OPCML: variants seen among roughly 807,000 people sequenced by gnomAD.
OPCML encodes opioid binding protein/cell adhesion molecule like.
OPCML carries 13 observed loss-of-function variants against 37.8 expected under a neutral mutation model. The observed-to-expected ratio is 0.34, with a 90% CI of 0.22 to 0.55. The LOEUF (loss-of-function observed/expected upper bound fraction) is 0.55. OPCML is among the 20% of genes least tolerant of loss of function. The pLI, the probability that OPCML is intolerant of heterozygous loss-of-function variation, is 0.91. For missense variants in OPCML, 341 were observed against 435.6 expected (o/e 0.78, Z 1.93); for synonymous variants, 176 against 168.8 (o/e 1.04, Z -0.33).
intron 1 of OPCML, among the ~76,000 whole-genome samples, chr11:133,408,138 A>G (rs1945562931): frequency 1.3e-5 from 2 of 150,026 alleles, no homozygotes; most frequent in South Asian, 4.1e-4. Flanking sequence ...TTTCAACCGC[A>G]TGTTGCTGGT....
chr11:133,261,485 C>T (rs549786114), intron 1 of OPCML, among the ~76,000 whole-genome samples: 3 of 151,760 alleles, frequency 2.0e-5, no homozygotes, highest in Non-Finnish European at 2.9e-5. Context: ...ACATGGTCTG[C>T]GTCCGGCTCT....
chr11:132,713,104 G>A (rs1944332653), intron 2 of OPCML, among the ~76,000 whole-genome samples: 1 of 152,148 alleles, frequency 6.6e-6, no homozygotes, highest in South Asian at 2.1e-4. Context: ...GAGCTTGGGA[G>A]CTCCTTTAAA....
intron 1 of OPCML, among the ~76,000 whole-genome samples, chr11:133,087,900 G>A (rs1486766766): frequency 6.6e-6 from 1 of 152,200 alleles, no homozygotes; most frequent in Non-Finnish European, 1.5e-5. Flanking sequence ...TTACTAGACG[G>A]TTAGGAGATG....
intron 1 of OPCML, among the ~76,000 whole-genome samples, chr11:133,528,703 C>A (rs555556400): frequency 1.3e-5 from 2 of 152,154 alleles, no homozygotes; most frequent in African/African-American, 4.8e-5. Context: ...TGACCCTAAA[C>A]GGGCAAAGCC....
intron 7 of OPCML, chr11:132,435,178 G>A (rs1275542995): frequency 7.8e-7 from 1 of 1,289,636 alleles, no homozygotes; most frequent in Non-Finnish European, 1.0e-6. Context: ...CTGATGAGGG[G>A]CTTATTTCTA....
At chr11:132,656,015 C>A (rs75986230) in intron 3 of OPCML, among the ~76,000 whole-genome samples, 1 of 151,898 alleles carries the variant, frequency 6.6e-6, no homozygotes, top group Non-Finnish European at 1.5e-5. Flanking sequence ...GACTAAATCA[C>A]ACATAGGGAC....
At position 132,651,912 on chromosome 11, in the gene OPCML, T is replaced by C. The variant is rs112222581; in HGVS notation, c.379+5175A>G. Among the ~76,000 whole-genome samples, 1,168 of 152,308 alleles carry C rather than the reference T, an allele frequency of 7.7e-3. 22 individuals are homozygous for C. The highest frequency in any genetic ancestry group is 0.027 in the African/African-American group (1,119 of 41,574). On this transcript the variant is annotated intron_variant, in intron 3 of 7. Coordinates refer to ENST00000524381, the MANE Select transcript of OPCML (RefSeq NM_001012393.5). ...TCATTCCATAAAAGGAAGTAACCTGTAGTGAAGAGATTTCTGAACAAGGCA... is the reference window on the plus strand; with the variant it reads ...TCATTCCATAAAAGGAAGTAACCTGCAGTGAAGAGATTTCTGAACAAGGCA...
chr11:133,235,912 T>G (rs953680865), intron 1 of OPCML, among the ~76,000 whole-genome samples: 1 of 152,232 alleles, frequency 6.6e-6, no homozygotes, highest in South Asian at 2.1e-4. Context: ...AAGCACCTTC[T>G]GATTCGAATA....
intron 1 of OPCML, among the ~76,000 whole-genome samples, chr11:133,291,304 G>A (rs1456556424): frequency 6.6e-6 from 1 of 152,206 alleles, no homozygotes; most frequent in Non-Finnish European, 1.5e-5. Context: ...ATGCTTCATG[G>A]GGTGTCTGTC....
At chr11:132,642,017 T>C (rs759632416) in intron 3 of OPCML, among the ~76,000 whole-genome samples, 5 of 152,246 alleles carry the variant, frequency 3.3e-5, no homozygotes, top group Non-Finnish European at 7.3e-5. Flanking sequence ...AATTGTATAT[T>C]GTTTTGTCTT....
intron 2 of OPCML, among the ~76,000 whole-genome samples, chr11:132,881,793 A>G (rs1368972063): frequency 6.6e-6 from 1 of 152,160 alleles, no homozygotes; most frequent in Non-Finnish European, 1.5e-5. Flanking sequence ...AGTTGCTTGC[A>G]TTTGTAGTGC....
intron 1 of OPCML, among the ~76,000 whole-genome samples, chr11:133,511,522 A>G (rs1565676007): frequency 6.6e-6 from 1 of 151,668 alleles, no homozygotes; most frequent in Non-Finnish European, 1.5e-5. Flanking sequence ...AGGCAGATTC[A>G]CTCATGCCCT....
chr11:133,108,891 T>A (rs1406021293), intron 1 of OPCML, among the ~76,000 whole-genome samples: 3 of 152,176 alleles, frequency 2.0e-5, no homozygotes, highest in African/African-American at 7.2e-5. Flanking sequence ...GCCCGCTGAA[T>A]ACGTGTTTCC....
intron 2 of OPCML, among the ~76,000 whole-genome samples, chr11:132,849,458 T>C (rs1941698773): frequency 6.6e-6 from 1 of 152,204 alleles, no homozygotes; most frequent in Non-Finnish European, 1.5e-5. Flanking sequence ...TGGCAGCATC[T>C]TCTGGAAGAG....
chr11:133,188,173 A>G (rs1040636769), intron 1 of OPCML, among the ~76,000 whole-genome samples: 2 of 152,224 alleles, frequency 1.3e-5, no homozygotes, highest in Non-Finnish European at 2.9e-5. Context: ...GAATGAATCC[A>G]TTTGCCAAAA....
chr11:132,844,042 GA>G (rs1941413787), intron 2 of OPCML, among the ~76,000 whole-genome samples: 1 of 152,166 alleles, frequency 6.6e-6, no homozygotes, highest in Non-Finnish European at 1.5e-5. Context: ...TAAGTCTCAG[GA>G]GATCTGATGG....
chr11:132,494,087 T>C (rs1453878738), intron 4 of OPCML, among the ~76,000 whole-genome samples: 3 of 152,248 alleles, frequency 2.0e-5, no homozygotes, highest in Non-Finnish European at 4.4e-5. Flanking sequence ...AACCACTTTA[T>C]GATCTCTTGT....
At chr11:132,882,433 C>T (rs1272684176) in intron 2 of OPCML, among the ~76,000 whole-genome samples, 3 of 152,136 alleles carry the variant, frequency 2.0e-5, no homozygotes, top group Admixed American at 6.5e-5. Context: ...AGGGGAAGGT[C>T]GTCATTGTTC....
intron 1 of OPCML, among the ~76,000 whole-genome samples, chr11:133,433,194 G>A (rs943424862): frequency 2.7e-5 from 4 of 146,186 alleles, no homozygotes; most frequent in Non-Finnish European, 1.5e-5. Flanking sequence ...GGAGCTTGCA[G>A]TGAGCCGAGA....
Sources: allele counts gnomAD v4.1 joint callset (sites outside exome capture counted in the v4.1 genomes callset), GRCh38; gene constraint gnomAD v4.1.1; transcripts MANE v1.5; gene names NCBI Gene and HGNC (gene_info 2026-07-23, HGNC 2026-07-21).